The following ZMIZ1 variants were observed in gnomAD, a reference collection of about 807,000 sequenced individuals.
ZMIZ1 encodes the protein zinc finger MIZ-type containing 1.
A neutral mutation model predicts 113.9 loss-of-function variants in ZMIZ1; 17 were observed. The observed-to-expected ratio is 0.15, with a 90% CI of 0.10 to 0.22. The LOEUF (loss-of-function observed/expected upper bound fraction) is 0.22, where lower values mean the gene tolerates loss of function less well. ZMIZ1 is among the 10% of genes least tolerant of loss of function. The probability of loss-of-function intolerance (pLI) is 1.00; values close to 1 mark genes in which losing one functional copy is unlikely to be tolerated. For synonymous variants in ZMIZ1, 607 were observed against 603.1 expected (o/e 1.01, Z -0.09); for missense variants, 1,059 against 1,477.8 (o/e 0.72, Z 4.65).
chr10:79,216,590 C>G (rs921390692), intron 7 of ZMIZ1, among the ~76,000 whole-genome samples: 2 of 152,152 alleles, frequency 1.3e-5, no homozygotes, highest in East Asian at 3.9e-4. Context: ...CACGGTGACC[C>G]CTTGGCATAA....
At chr10:79,175,189 A>AC (rs1490389865) in intron 4 of ZMIZ1, among the ~76,000 whole-genome samples, 1 of 152,166 alleles carries the variant, frequency 6.6e-6, no homozygotes, top group African/African-American at 2.4e-5. Flanking sequence ...AGCAAGCCTT[A>AC]CGCTAATTCA....
chr10:79,228,444 C>T lies in ZMIZ1; in HGVS notation c.280+12170C>T, dbSNP rs147802840. On this transcript the variant is annotated intron_variant, in intron 7 of 24. Transcript: ENST00000334512. ...CTGCCCCAACTCCAAATATGGTGCT[C>T]CTTCTCCTCCTCCATGGTTGTGCCT... is the stretch of plus-strand genomic sequence containing the variant. Among the ~76,000 whole-genome samples, 673 of 152,348 alleles carry T rather than the reference C, an allele frequency of 4.4e-3. 4 individuals are homozygous for T. Among genetic ancestry groups the T allele is most frequent in the African/African-American group, 0.014 (602 of 41,572 alleles).
At chr10:79,216,146 C>A in intron 6 of ZMIZ1, 23 bp from the exon 7 acceptor site, 1 of 1,460,380 alleles carries the variant, frequency 6.8e-7, no homozygotes, top group Non-Finnish European at 9.1e-7. Flanking sequence ...GACTCACCTG[C>A]CCTCCTCCCC....
intron 7 of ZMIZ1, among the ~76,000 whole-genome samples, chr10:79,273,410 G>A (rs143624221): frequency 0.011 from 1,749 of 152,206 alleles, 59 homozygotes; most frequent in Non-Finnish European, 9.1e-3. Flanking sequence ...TGCCCAGGCT[G>A]GAGGGCAGTG....
At position 79,125,297 on chromosome 10, in the gene ZMIZ1, G is replaced by T. The variant is rs182888802; in HGVS notation, c.-227+6273G>T. Among the ~76,000 whole-genome samples, 708 of 152,328 alleles carry T rather than the reference G, an allele frequency of 4.6e-3. 15 individuals carry two copies. Among genetic ancestry groups the T allele is most frequent in the Non-Finnish European group, 9.8e-4 (67 of 68,030 alleles). On this transcript the variant is annotated intron_variant, in intron 2 of 24. Coordinates refer to ENST00000334512, the MANE Select transcript of ZMIZ1 (RefSeq NM_020338.4). ...CAGGCGTTGCTCAGTGACACAGTGG[G>T]ATCAGAGAGGCTCAGAGACCAGCCC...
chr10:79,290,593 G>T (rs937294906), intron 9 of ZMIZ1, among the ~76,000 whole-genome samples: 2 of 152,190 alleles, frequency 1.3e-5, no homozygotes, highest in Admixed American at 6.5e-5. Flanking sequence ...AGGCTCGTTT[G>T]TGGGGCAGTA....
intron 21 of ZMIZ1, 86 bp from the exon 22 acceptor site, chr10:79,306,014 C>A: frequency 6.5e-7 from 1 of 1,549,552 alleles, no homozygotes; most frequent in Non-Finnish European, 8.7e-7. Flanking sequence ...AACAAGGTCA[C>A]CTGGGTGTCT....
chr10:79,075,713 C>T (rs565639053), intron 1 of ZMIZ1, among the ~76,000 whole-genome samples: 77 of 152,352 alleles, frequency 5.1e-4, no homozygotes, highest in Non-Finnish European at 9.3e-4. Flanking sequence ...GAGCTCTCTC[C>T]GTCCTCCCCC....
chr10:79,191,318 G>A (rs148699191), intron 4 of ZMIZ1, among the ~76,000 whole-genome samples: 190 of 152,226 alleles, frequency 1.2e-3, no homozygotes, highest in African/African-American at 4.5e-3. Context: ...TGGAGCCAGG[G>A]TGTAGGAACA....
chr10:79,243,695 C>G, intron 7 of ZMIZ1: 1 of 306,234 alleles, frequency 3.3e-6, no homozygotes, highest in Non-Finnish European at 6.5e-6. Flanking sequence ...GGCCCCAAGC[C>G]CCCGAGGGCG....
At position 79,300,709 on chromosome 10, in the gene ZMIZ1, G is replaced by C. The variant is rs377588209; in HGVS notation, c.1809-23G>C. The C allele has an allele frequency of 1.2e-5, 19 of 1,609,854 alleles. No homozygotes were observed. The African/African-American group carries it at 2.4e-4, about 20-fold the overall frequency. On this transcript the variant is annotated intron_variant, in intron 16 of 24. Transcript: ENST00000334512. Reference sequence around the variant, plus strand: ...GACAGCCCCCTGGCAGAGCTGCCCTGAGCACCCTCGTTCCCCACCTAGGTC... The same window carrying C: ...GACAGCCCCCTGGCAGAGCTGCCCTCAGCACCCTCGTTCCCCACCTAGGTC...
intron 3 of ZMIZ1, among the ~76,000 whole-genome samples, chr10:79,161,367 C>T (rs926009022): frequency 4.6e-5 from 7 of 152,140 alleles, no homozygotes; most frequent in African/African-American, 1.7e-4. Context: ...TCTTACTGTC[C>T]CTGGCCCCTG....
chr10:79,204,421 C>G (rs1848226790), intron 5 of ZMIZ1, among the ~76,000 whole-genome samples: 1 of 152,214 alleles, frequency 6.6e-6, no homozygotes, highest in Non-Finnish European at 1.5e-5. Flanking sequence ...ACATGGAGAG[C>G]CCTGCAAATC....
chr10:79,274,088 G>A (rs563780824), intron 7 of ZMIZ1, among the ~76,000 whole-genome samples: 4 of 151,828 alleles, frequency 2.6e-5, no homozygotes, highest in South Asian at 2.1e-4. Flanking sequence ...CCACTGGTAA[G>A]TGGGGCCCAC....
intron 4 of ZMIZ1, among the ~76,000 whole-genome samples, chr10:79,182,893 C>T (rs1847180551): frequency 6.6e-6 from 1 of 152,228 alleles, no homozygotes; most frequent in Admixed American, 6.5e-5. Flanking sequence ...TCCTCCTCCT[C>T]GGGTCTGTAG....
rs919588520 is a variant in ZMIZ1, at chr10:79,304,070, G to C, written c.2181G>C (p.Gly727=). 3 of 1,614,110 alleles carry C rather than the reference G, an allele frequency of 1.9e-6. No homozygotes were observed. Among genetic ancestry groups the C allele is most frequent in the Non-Finnish European group, 2.5e-6 (3 of 1,180,064 alleles). The change falls in exon 19 of 25, where the codon GGG becomes GGC. Residue 727 remains glycine, a synonymous_variant. Transcript: ENST00000334512. ...CCTCGGGCAACACGACCCTCAACGG[G>C]GAGGATGGGGTGGAGCAGACGGCCA... ...AASSGNTTLN[G]EDGVEQTAIK...
At chr10:79,171,724 G>A (rs780151) in intron 4 of ZMIZ1, among the ~76,000 whole-genome samples, 48,656 of 152,016 alleles carry the variant, frequency 0.32, 8,852 homozygotes, top group Non-Finnish European at 0.41. Context: ...CCTATGGAAG[G>A]CTTCCTGGAG....
intron 3 of ZMIZ1, among the ~76,000 whole-genome samples, chr10:79,157,983 A>G: frequency 6.6e-6 from 1 of 152,068 alleles, no homozygotes; most frequent in Non-Finnish European, 1.5e-5. Flanking sequence ...CCTGAGGATC[A>G]GTGTAGCGGG....
chr10:79,298,267 AAG>A, intron 14 of ZMIZ1, 137 bp from the exon 15 acceptor site: 1 of 964,100 alleles, frequency 1.0e-6, no homozygotes, highest in Non-Finnish European at 1.5e-6. Context: ...TGCGAGAGAG[AAG>A]AGTTTCCCTG....
Sources: allele counts gnomAD v4.1 joint callset (sites outside exome capture counted in the v4.1 genomes callset), GRCh38; gene constraint gnomAD v4.1.1; transcripts MANE v1.5; gene names NCBI Gene and HGNC (gene_info 2026-07-23, HGNC 2026-07-21).